Variants in PCDHA7 observed in about 807,000 individuals in gnomAD.
The protein encoded by PCDHA7 is protocadherin alpha-7.
PCDHA7 carries 37 observed loss-of-function variants against 57.2 expected under a neutral mutation model. The ratio of observed to expected loss-of-function variants is 0.65; its 90% CI spans 0.50 to 0.85. PCDHA7 has a LOEUF of 0.85. PCDHA7 is among the 40% of genes least tolerant of loss of function. PCDHA7 has a pLI of 0.00. For synonymous variants in PCDHA7, 553 were observed against 558.8 expected (o/e 0.99, Z 0.15); for missense variants, 1,188 against 1,241.8 (o/e 0.96, Z 0.65).
intron 1 of PCDHA7, among the ~76,000 whole-genome samples, chr5:140,975,784 A>T (rs1216156931): frequency 1.3e-5 from 2 of 151,914 alleles, no homozygotes; most frequent in African/African-American, 4.8e-5. Flanking sequence ...CCATTACAAG[A>T]TAAATTAAAT....
chr5:140,879,659 C>T (rs782370828), intron 1 of PCDHA7, among the ~76,000 whole-genome samples: 4 of 152,142 alleles, frequency 2.6e-5, no homozygotes, highest in East Asian at 3.8e-4. Flanking sequence ...CTATAACAAA[C>T]GAACACAAAC....
chr5:140,955,440 G>A (rs1332391978), intron 1 of PCDHA7, among the ~76,000 whole-genome samples: 3 of 152,022 alleles, frequency 2.0e-5, no homozygotes, highest in Admixed American at 2.0e-4. Context: ...TAGGTCTGAT[G>A]GTTTTATAAG....
At chr5:140,987,592 G>T (rs150671243) in intron 3 of PCDHA7, among the ~76,000 whole-genome samples, 2 of 152,172 alleles carry the variant, frequency 1.3e-5, no homozygotes, top group African/African-American at 4.8e-5. Flanking sequence ...GAGAATAGTG[G>T]TGTCTACCTT....
At chr5:140,927,243 C>A in intron 1 of PCDHA7, 1 of 1,614,132 alleles carries the variant, frequency 6.2e-7, no homozygotes. Flanking sequence ...TCCTGGACAC[C>A]AATGACAACT....
intron 1 of PCDHA7, chr5:140,869,477 A>T: frequency 1.2e-6 from 2 of 1,614,208 alleles, no homozygotes; most frequent in African/African-American, 2.7e-5. Context: ...GAGGTGAAGG[A>T]CATTAACGAC....
intron 1 of PCDHA7, among the ~76,000 whole-genome samples, chr5:140,943,353 G>A (rs2093481887): frequency 6.6e-6 from 1 of 151,602 alleles, no homozygotes; most frequent in Non-Finnish European, 1.5e-5. Flanking sequence ...TGAGAGTAGA[G>A]GAAAGGAGAT....
At chr5:140,839,133 T>C (rs1776048029) in intron 1 of PCDHA7, among the ~76,000 whole-genome samples, 1 of 149,316 alleles carries the variant, frequency 6.7e-6, no homozygotes, top group Non-Finnish European at 1.5e-5. Context: ...GTCATTCACA[T>C]AAGCAGACCA....
chr5:140,928,597 A>G (rs1554206042), intron 1 of PCDHA7: 1 of 1,614,226 alleles, frequency 6.2e-7, no homozygotes, highest in East Asian at 2.2e-5. Context: ...CCCAGTGGAA[A>G]TTGTGCCCCG....
intron 1 of PCDHA7, among the ~76,000 whole-genome samples, chr5:140,844,762 T>C (rs1779533544): frequency 6.7e-6 from 1 of 149,418 alleles, no homozygotes; most frequent in Non-Finnish European, 1.5e-5. Context: ...CTTTGAAAAA[T>C]CCAAGATACT....
chr5:140,946,165 G>C (rs1554217364), intron 1 of PCDHA7, among the ~76,000 whole-genome samples: 1 of 151,838 alleles, frequency 6.6e-6, no homozygotes, highest in Non-Finnish European at 1.5e-5. Context: ...TTAAAAGATG[G>C]GTAAAGGATG....
At chr5:140,850,186 C>A (rs2150472009) in intron 1 of PCDHA7, 4 of 1,593,728 alleles carry the variant, frequency 2.5e-6, no homozygotes, top group East Asian at 4.5e-5. Flanking sequence ...AATGCGCCGG[C>A]GCTGCTGACA....
At chr5:140,916,647 C>T (rs2077666767) in intron 1 of PCDHA7, among the ~76,000 whole-genome samples, 1 of 152,180 alleles carries the variant, frequency 6.6e-6, no homozygotes, top group African/African-American at 2.4e-5. Context: ...TGTGGCTGAG[C>T]TGGTATCCAA....
chr5:140,850,541 G>T lies in PCDHA7; in HGVS notation c.2355+13803G>T. 3 of 1,598,386 alleles carry T rather than the reference G, an allele frequency of 1.9e-6. No individual in the cohort carries two copies. Among genetic ancestry groups the T allele is most frequent in the Non-Finnish European group, 2.6e-6 (3 of 1,167,870 alleles). ...AGGCGCCAAAGTCATCGTCGCGGGC[G>T]TCAGTGGGTGCCACGGGCCCCGAGG... On this transcript the variant is annotated intron_variant, in intron 1 of 3. Transcript: ENST00000525929.
At chr5:140,836,843 A>G (rs1774773753) in intron 1 of PCDHA7, 105 bp downstream of exon 1, 2 of 826,772 alleles carry the variant, frequency 2.4e-6, no homozygotes, top group Admixed American at 6.3e-5. Context: ...AGCTTTATGT[A>G]TAATTATTAT....
At chr5:140,848,454 G>A in intron 1 of PCDHA7, 1 of 1,522,350 alleles carries the variant, frequency 6.6e-7, no homozygotes, top group South Asian at 1.2e-5. Context: ...CTTCTAATTT[G>A]GAGGCAATTT....
In PCDHA7 at chr5:141,009,754, C is replaced by A. The variant is rs200585286; in HGVS notation, c.2631C>A (p.Ile877=). 18 of 1,614,022 alleles carry A rather than the reference C, an allele frequency of 1.1e-5. No individual in the cohort carries two copies. Among genetic ancestry groups the A allele is most frequent in the Non-Finnish European group, 1.5e-5 (18 of 1,180,034 alleles). ...GTGAGTTGCCCGACAAATTCATTAT[C>A]CCAGGATCTCCTGCAATCATCTCCA... The part of the protein sequence containing the change: ...GPGELPDKFI[I]PGSPAIISIR... The change falls in exon 4 of 4, where the codon ATC becomes ATA. Residue 877 remains isoleucine, a synonymous_variant. Coordinates refer to ENST00000525929, the MANE Select transcript of PCDHA7 (RefSeq NM_018910.3).
At position 140,841,776 on chromosome 5, in the gene PCDHA7, T is replaced by G. The variant is rs2150322536; in HGVS notation, c.2355+5038T>G. 1 of 1,613,906 alleles carries G rather than the reference T, an allele frequency of 6.2e-7. No homozygotes were observed. The highest frequency in any genetic ancestry group is 1.1e-5 in the South Asian group (1 of 91,076). On this transcript the variant is annotated intron_variant, in intron 1 of 3. Coordinates refer to ENST00000525929, the MANE Select transcript of PCDHA7 (RefSeq NM_018910.3). ...GAATCCAGAATGCCAGACTCTCGGTTTCCGCTAGAGGGCGCGTCCGATGCA... is the reference window on the plus strand; with the variant it reads ...GAATCCAGAATGCCAGACTCTCGGTGTCCGCTAGAGGGCGCGTCCGATGCA...
chr5:140,842,051 CAGTCTGAATACGAA>C (rs1777673706), intron 1 of PCDHA7: 1 of 1,613,852 alleles, frequency 6.2e-7, no homozygotes, highest in African/African-American at 1.3e-5. Context: ...CACTTTCGAA[CAGTCTGAATACGAA>C]GTAAGAATAT....
At chr5:140,901,199 A>T (rs1554189641) in intron 1 of PCDHA7, among the ~76,000 whole-genome samples, 4 of 152,106 alleles carry the variant, frequency 2.6e-5, no homozygotes, top group Non-Finnish European at 5.9e-5. Context: ...TTCTGTGCAG[A>T]AGGTTTTTAA....
Sources: allele counts gnomAD v4.1 joint callset (sites outside exome capture counted in the v4.1 genomes callset), GRCh38; gene constraint gnomAD v4.1.1; transcripts MANE v1.5; gene names NCBI Gene and HGNC (gene_info 2026-07-23, HGNC 2026-07-21).